The following INO80 variants were observed in gnomAD, a reference collection of about 807,000 sequenced individuals.
INO80 encodes INO80 complex ATPase subunit.
INO80 carries 20 observed loss-of-function variants against 203.4 expected under a neutral mutation model. The ratio of observed to expected loss-of-function variants is 0.10; its 90% CI spans 0.07 to 0.14. The LOEUF is 0.14. Among genes scored for constraint, INO80 ranks in the 10% least tolerant of loss-of-function variants. The pLI, the probability that INO80 is intolerant of heterozygous loss-of-function variation, is 1.00. For synonymous variants in INO80, 726 were observed against 685.2 expected (o/e 1.06, Z -0.93); for missense variants, 1,419 against 1,914.4 (o/e 0.74, Z 4.83).
At chr15:40,987,763 T>C (rs979223884) in intron 30 of INO80, 53 bp downstream of exon 30, 108 of 1,535,180 alleles carry the variant, frequency 7.0e-5, no homozygotes, top group Non-Finnish European at 9.2e-5. Context: ...GTCAATGTGG[T>C]TGGACTTTCT....
intron 29 of INO80, among the ~76,000 whole-genome samples, chr15:40,988,470 C>T (rs1566900555): frequency 6.6e-6 from 1 of 152,186 alleles, no homozygotes; most frequent in Non-Finnish European, 1.5e-5. Flanking sequence ...CCACTGCTCC[C>T]AACTATTCAC....
At chr15:41,005,172 G>A (rs1261121895) in intron 28 of INO80, 1 of 137,176 alleles carries the variant, frequency 7.3e-6, no homozygotes, top group Admixed American at 8.2e-5. Context: ...TCCAGCCTGG[G>A]TGACAGGGAG....
At chr15:41,040,149 G>T (rs1011328625) in intron 24 of INO80, among the ~76,000 whole-genome samples, 2 of 151,990 alleles carry the variant, frequency 1.3e-5, no homozygotes, top group Admixed American at 6.6e-5. Context: ...TTCAAGACCA[G>T]CCTGGACACA....
chr15:41,030,823 C>A (rs570524232), intron 24 of INO80, among the ~76,000 whole-genome samples: 3 of 151,720 alleles, frequency 2.0e-5, no homozygotes, highest in African/African-American at 7.3e-5. Flanking sequence ...TACAGGTGTG[C>A]GCCACACCTG....
Position 41,069,830 on chromosome 15 carries a change from A to G in INO80, c.1687-165T>C, listed in dbSNP as rs148247204. The stretch of plus-strand genomic sequence containing the variant: ...TCAATAGTAATATCCTATGTTAATA[A>G]TAAGAACATAAAGACACACCTGAGA... On this transcript the variant is annotated intron_variant, in intron 13 of 35. Transcript: ENST00000648947. Among the ~76,000 whole-genome samples, 628 of 152,334 alleles carry G rather than the reference A, an allele frequency of 4.1e-3. 23 individuals carry two copies. Among genetic ancestry groups the G allele is most frequent in the Admixed American group, 0.036 (553 of 15,296 alleles).
chr15:41,027,468 C>T, intron 25 of INO80, 128 bp downstream of exon 25: 1 of 780,036 alleles, frequency 1.3e-6, no homozygotes, highest in Non-Finnish European at 2.0e-6. Context: ...TTTTAAAATA[C>T]TAGAATTTAT....
intron 24 of INO80, among the ~76,000 whole-genome samples, chr15:41,028,386 T>A (rs1214025003): frequency 6.6e-6 from 1 of 152,152 alleles, no homozygotes; most frequent in Non-Finnish European, 1.5e-5. Flanking sequence ...TCCGCCTGCC[T>A]TGGCCTCCCA....
At chr15:41,064,262 C>T (rs1166445789) in intron 14 of INO80, among the ~76,000 whole-genome samples, 1 of 152,106 alleles carries the variant, frequency 6.6e-6, no homozygotes, top group Non-Finnish European at 1.5e-5. Flanking sequence ...GAGGGTTCAA[C>T]AAATTTCAAA....
chr15:41,006,660 T>C (rs114548612), intron 27 of INO80, among the ~76,000 whole-genome samples: 4,955 of 152,310 alleles, frequency 0.033, 212 homozygotes, highest in African/African-American at 0.094. Flanking sequence ...GCAGCGTATG[T>C]GACAGCCTAT....
chr15:41,006,637 T>C (rs2044044210), intron 27 of INO80, among the ~76,000 whole-genome samples: 1 of 152,232 alleles, frequency 6.6e-6, no homozygotes, highest in South Asian at 2.1e-4. Context: ...TGCTGTAGTT[T>C]GGAATATCTG....
At chr15:41,066,737 G>A (rs2045224131) in intron 14 of INO80, among the ~76,000 whole-genome samples, 1 of 151,408 alleles carries the variant, frequency 6.6e-6, no homozygotes, top group Admixed American at 6.6e-5. Flanking sequence ...GGCTGATGTG[G>A]GAGAATGGCT....
At chr15:40,990,336 G>A (rs28501589) in intron 29 of INO80, among the ~76,000 whole-genome samples, 63,586 of 151,960 alleles carry the variant, frequency 0.42, 13,502 homozygotes, top group South Asian at 0.48. Context: ...GAAAGAGTGA[G>A]TCATCTTTCT....
At chr15:41,079,344 G>A (rs146477559) in intron 9 of INO80, among the ~76,000 whole-genome samples, 111 of 152,010 alleles carry the variant, frequency 7.3e-4, no homozygotes, top group African/African-American at 2.6e-3. Context: ...TTTTTCTTGA[G>A]GAATAAGAGC....
intron 33 of INO80, 36 bp from the exon 34 acceptor site, chr15:40,983,957 T>C: frequency 6.2e-7 from 1 of 1,606,132 alleles, no homozygotes; most frequent in Non-Finnish European, 8.5e-7. Context: ...TACGACCCCC[T>C]GTGCTCACCG....
rs758997735 is a variant in INO80 at position 41,045,125 on chromosome 15, G to A, written c.2736-50C>T. The A allele has an allele frequency of 2.0e-6, 3 of 1,468,702 alleles. No individual in the cohort carries two copies. The East Asian group carries it at 7.1e-5, about 35-fold the overall frequency. The allele number at this position is 1,468,702 out of a possible 1,614,324, so 91.0% of individuals were successfully genotyped here. A position where few individuals can be genotyped will look rare whatever the true frequency, so the allele number is the denominator to read the frequency against. Reference sequence around the variant, plus strand: ...CTTATTCAGTGCTCCATGGAGGTTTGAGGGTCGTTCATAGCAGCAAGGATT... The same window carrying A: ...CTTATTCAGTGCTCCATGGAGGTTTAAGGGTCGTTCATAGCAGCAAGGATT... On this transcript the variant is annotated intron_variant, in intron 23 of 35. Transcript: ENST00000648947.
chr15:41,045,158 A>C, intron 23 of INO80, 83 bp from the exon 24 acceptor site: 21 of 1,002,476 alleles, frequency 2.1e-5, no homozygotes, highest in Non-Finnish European at 2.7e-5. Context: ...ATTGTCTCTC[A>C]TTAACATAAC....
At chr15:41,087,536 C>T (rs761669646) in intron 6 of INO80, 26 bp downstream of exon 6, 17 of 1,611,100 alleles carry the variant, frequency 1.1e-5, no homozygotes, top group Middle Eastern at 1.7e-4. Context: ...AATGAATATA[C>T]GTGGAAGGCA....
chr15:41,002,467 T>G (rs1443068866), intron 28 of INO80, among the ~76,000 whole-genome samples: 2 of 152,224 alleles, frequency 1.3e-5, no homozygotes, highest in Non-Finnish European at 2.9e-5. Flanking sequence ...CAAAATATAC[T>G]GAGCCCTGGG....
At chr15:41,086,560 A>C (rs2045567971) in intron 6 of INO80, among the ~76,000 whole-genome samples, 2 of 151,840 alleles carry the variant, frequency 1.3e-5, no homozygotes, top group African/African-American at 2.4e-5. Flanking sequence ...CTGAGGCATG[A>C]GAATTGCGTG....
Sources: gnomAD v4.1 joint callset for allele counts (sites outside exome capture counted in the v4.1 genomes callset) on GRCh38, gnomAD v4.1.1 for gene constraint, MANE v1.5 for transcripts, NCBI Gene and HGNC (gene_info 2026-07-23, HGNC 2026-07-21) for gene names.